Variants in SNX8 observed in about 807,000 individuals in gnomAD.
The protein encoded by SNX8 is sorting nexin-8.
Under a neutral mutation model 51.6 loss-of-function variants are expected in SNX8, and 25 were observed. The observed-to-expected ratio is 0.48, with a 90% CI of 0.35 to 0.68. The LOEUF is 0.68. Ranked by LOEUF, SNX8 falls within the 30% of genes least tolerant of loss-of-function variation. The probability of loss-of-function intolerance (pLI) is 0.00; values close to 1 mark genes in which losing one functional copy is unlikely to be tolerated. For missense variants in SNX8, 695 were observed against 624.0 expected, an observed-to-expected ratio of 1.11 and a Z score of -1.21; for synonymous variants, 324 against 277.0, an observed-to-expected ratio of 1.17 and a Z score of -1.68.
intron 5 of SNX8, among the ~76,000 whole-genome samples, chr7:2,268,572 C>G (rs1414061085): frequency 3.4e-5 from 5 of 145,976 alleles, no homozygotes; most frequent in African/African-American, 7.6e-5. Context: ...CCCCGCCTGG[C>G]CAGCCGCCCT....
chr7:2,351,036 G>A (rs1369398948), intron 1 of SNX8, among the ~76,000 whole-genome samples: 2 of 152,138 alleles, frequency 1.3e-5, no homozygotes, highest in African/African-American at 2.4e-5. Context: ...GGAGGATCAC[G>A]AGCCTGGGAG....
chr7:2,326,712 A>G lies in SNX8; in HGVS notation c.-66+27510T>C, dbSNP rs181275411. Among the ~76,000 whole-genome samples the G allele has an allele frequency of 4.2e-4, 64 of 152,266 alleles. No homozygotes were observed. The East Asian group carries it at 8.3e-3, about 20-fold the overall frequency. On this transcript the variant is annotated intron_variant, in intron 1 of 5. Transcript: ENST00000435336. Reference sequence around the variant, plus strand: ...ATTGAATTAAATAAATTAAAGGGATAAAATGTTGTGACCAAATGAAATGCA... The same window carrying G: ...ATTGAATTAAATAAATTAAAGGGATGAAATGTTGTGACCAAATGAAATGCA...
chr7:2,257,277 A>AG (rs1795210129), intron 9 of SNX8, 88 bp downstream of exon 9: 3 of 1,457,042 alleles, frequency 2.1e-6, no homozygotes, highest in Non-Finnish European at 2.8e-6. Flanking sequence ...GAGCCAACCC[A>AG]GGGGAGCCCA....
rs1311000556 is a variant in SNX8 at position 2,341,535 on chromosome 7, C to T, written c.-66+12687G>A. 2.0e-5 allele frequency among the ~76,000 whole-genome samples: 3 copies of T among 151,664 alleles called. No homozygotes were observed. The East Asian group carries it at 5.9e-4, about 30-fold the overall frequency. On this transcript the variant is annotated intron_variant, in intron 1 of 5. Coordinates refer to the SNX8 transcript ENST00000435336. ...AAAAATGAAGTTGAAGGCTAGGTGCCATGGCTTACACCCACAGTCCTAGCA... is the reference window on the plus strand; with the variant it reads ...AAAAATGAAGTTGAAGGCTAGGTGCTATGGCTTACACCCACAGTCCTAGCA...
chr7:2,303,727 A>G (rs188067981), intron 1 of SNX8, among the ~76,000 whole-genome samples: 1,765 of 152,152 alleles, frequency 0.012, 14 homozygotes, highest in African/African-American at 0.015. Flanking sequence ...GGTGCAAGAT[A>G]TGCTTTGTTA....
Position 2,320,639 on chromosome 7 carries a change from G to A in SNX8, c.-66+33583C>T, listed in dbSNP as rs901402708. Among the ~76,000 whole-genome samples the A allele has an allele frequency of 7.9e-5, 12 of 152,148 alleles. No individual in the cohort carries two copies. In the East Asian group the frequency reaches 9.7e-4, roughly 12 times the overall value. ...CACGAAAGGCTGAGGTAGGAGGATCGCTTGAGCCTGGGAGGTCGAGGCTGC... is the reference window on the plus strand; with the variant it reads ...CACGAAAGGCTGAGGTAGGAGGATCACTTGAGCCTGGGAGGTCGAGGCTGC... On this transcript the variant is annotated intron_variant, in intron 1 of 5. Coordinates refer to the SNX8 transcript ENST00000435336.
chr7:2,273,729 C>T (rs1164009601), intron 3 of SNX8, among the ~76,000 whole-genome samples: 1 of 149,920 alleles, frequency 6.7e-6, no homozygotes, highest in Non-Finnish European at 1.5e-5. Flanking sequence ...CGGTGAAACC[C>T]CGTCTCTACT....
At chr7:2,288,174 T>C (rs901594959) in intron 1 of SNX8, 4 of 151,580 alleles carry the variant, frequency 2.6e-5, no homozygotes, top group African/African-American at 9.7e-5. Flanking sequence ...GAAACCCCCA[T>C]CTCTACTAAT....
intron 1 of SNX8, among the ~76,000 whole-genome samples, chr7:2,350,940 C>T (rs1488438687): frequency 1.3e-5 from 2 of 152,022 alleles, no homozygotes; most frequent in African/African-American, 4.8e-5. Context: ...AGCCACTGTG[C>T]CTCGCTCTCT....
intron 1 of SNX8, among the ~76,000 whole-genome samples, chr7:2,292,996 G>A (rs1334362316): frequency 6.6e-6 from 1 of 151,880 alleles, no homozygotes; most frequent in East Asian, 2.0e-4. Flanking sequence ...CTCCAGCCCG[G>A]GTGATAGAGT....
chr7:2,257,955 C>A, intron 7 of SNX8, 152 bp from the exon 8 acceptor site: 1 of 675,996 alleles, frequency 1.5e-6, no homozygotes, highest in Non-Finnish European at 2.6e-6. Flanking sequence ...AGGGGGCCCC[C>A]TTCCCCACCA....
chr7:2,326,932 C>T (rs942025316), intron 1 of SNX8, among the ~76,000 whole-genome samples: 12 of 152,008 alleles, frequency 7.9e-5, no homozygotes, highest in African/African-American at 2.2e-4. Flanking sequence ...ATGGCAAAAC[C>T]CTGCCTCTAC....
chr7:2,354,188 G>C (rs1396281584), intron 1 of SNX8: 2 of 152,346 alleles, frequency 1.3e-5, no homozygotes, highest in African/African-American at 4.8e-5. Flanking sequence ...GCTAGGGAAG[G>C]ACTGGGGGTA....
At chr7:2,326,280 G>C (rs189966024) in intron 1 of SNX8, among the ~76,000 whole-genome samples, 2 of 152,146 alleles carry the variant, frequency 1.3e-5, no homozygotes, top group East Asian at 3.9e-4. Flanking sequence ...CAAGAGGATC[G>C]CTCGAACCAG....
intron 1 of SNX8, among the ~76,000 whole-genome samples, chr7:2,321,427 CTTTTTTTTTT>C (rs903598248): frequency 1.6e-3 from 219 of 139,538 alleles, no homozygotes; most frequent in Non-Finnish European, 2.9e-3. Flanking sequence ...AATGGAATTT[CTTTTTTTTTT>C]TTTTTTTGAG....
intron 1 of SNX8, among the ~76,000 whole-genome samples, chr7:2,340,351 C>T (rs930054108): frequency 7.3e-5 from 11 of 151,478 alleles, no homozygotes; most frequent in African/African-American, 2.4e-4. Context: ...GGATTACAGG[C>T]GTGACCCACC....
At chr7:2,309,439 T>A (rs1796615939) in intron 1 of SNX8, among the ~76,000 whole-genome samples, 1 of 151,918 alleles carries the variant, frequency 6.6e-6, no homozygotes, top group Non-Finnish European at 1.5e-5. Flanking sequence ...GGCACAAGAA[T>A]CACCAGAACC....
At chr7:2,265,547 A>C (rs1795443819) in intron 5 of SNX8, among the ~76,000 whole-genome samples, 1 of 151,982 alleles carries the variant, frequency 6.6e-6, no homozygotes, top group African/African-American at 2.4e-5. Context: ...CAGAGGGCTG[A>C]GGCAGGAGGA....
intron 5 of SNX8, among the ~76,000 whole-genome samples, chr7:2,269,286 G>A (rs994575046): frequency 1.3e-5 from 2 of 151,344 alleles, no homozygotes; most frequent in Admixed American, 6.6e-5. Flanking sequence ...GGTGCAGGAT[G>A]TGCTTTGTTA....
Sources: allele counts gnomAD v4.1 joint callset (sites outside exome capture counted in the v4.1 genomes callset), GRCh38; gene constraint gnomAD v4.1.1; transcripts MANE v1.5; gene names NCBI Gene and HGNC (gene_info 2026-07-23, HGNC 2026-07-21).